The following VAV3 variants were observed in gnomAD, a reference collection of about 807,000 sequenced individuals.
VAV3 encodes the protein vav guanine nucleotide exchange factor 3.
VAV3 carries 94 observed loss-of-function variants against 131.2 expected under a neutral mutation model. That is an observed-to-expected ratio of 0.72 (90% CI 0.61 to 0.85). The LOEUF is 0.85. VAV3 is among the 40% of genes least tolerant of loss of function. The probability of loss-of-function intolerance (pLI) is 0.00; values close to 1 mark genes in which losing one functional copy is unlikely to be tolerated. For synonymous variants in VAV3, 349 were observed against 342.0 expected, an observed-to-expected ratio of 1.02 and a Z score of -0.22; for missense variants, 939 against 1,002.7, an observed-to-expected ratio of 0.94 and a Z score of 0.86.
At position 107,749,613 on chromosome 1, in the gene VAV3, T is replaced by C. The variant is rs781209228; in HGVS notation, c.1260-19A>G. 3 of 1,606,234 alleles carry C rather than the reference T, an allele frequency of 1.9e-6. No homozygotes were observed. The highest frequency in any genetic ancestry group is 2.2e-5 in the East Asian group (1 of 44,690). ...GATATGCCTGGGAAAAAGAGATTGA[T>C]TGATTGATTTTAAATGGTTTAGAAA... On this transcript the variant is annotated intron_variant, in intron 13 of 26. Transcript: ENST00000370056.
intron 12 of VAV3, among the ~76,000 whole-genome samples, chr1:107,753,513 C>CACACATATATATACACAA (rs760604932): frequency 1.2e-5 from 1 of 80,626 alleles, no homozygotes. Context: ...TATATACACA[C>CACACATATATATACACAA]ATATATATAT....
chr1:107,624,179 G>A (rs1005065297), intron 20 of VAV3, among the ~76,000 whole-genome samples: 1 of 152,124 alleles, frequency 6.6e-6, no homozygotes, highest in Non-Finnish European at 1.5e-5. Flanking sequence ...ATAAGCTGTA[G>A]ATTTGAGATG....
chr1:107,861,707 A>G (rs1669745119), intron 2 of VAV3, among the ~76,000 whole-genome samples: 1 of 151,558 alleles, frequency 6.6e-6, no homozygotes, highest in Non-Finnish European at 1.5e-5. Context: ...GATGAATTAT[A>G]AATATGCAGC....
chr1:107,664,222 G>A (rs1408620109), intron 19 of VAV3, among the ~76,000 whole-genome samples: 3 of 151,868 alleles, frequency 2.0e-5, no homozygotes, highest in East Asian at 1.9e-4. Context: ...CAGAGTAAAC[G>A]TGCAAGATGT....
At position 107,642,750 on chromosome 1, in the gene VAV3, G is replaced by A. The variant is rs1386203017; in HGVS notation, c.1783C>T (p.Pro595Ser). Residue 595 changes from proline (P) to serine (S), a missense_variant, in exon 20 of 27, where the codon CCA (proline) becomes TCA (serine). By Grantham distance (74) the Pro-to-Ser change is moderately conservative. Transcript: ENST00000370056. Reference sequence around the variant, plus strand: ...TAGTTCCTAATGACCTGCATCTTTGGTAAACCTGAAAATAAGCCAAACAAG... The same window carrying A: ...TAGTTCCTAATGACCTGCATCTTTGATAAACCTGAAAATAAGCCAAACAAG... Reference protein sequence around the residue: ...RTPKQVDPGLPKMQVIRNYSG... With the variant: ...RTPKQVDPGLSKMQVIRNYSG... 1.2e-6 allele frequency: 2 copies of A among 1,613,172 alleles called. No homozygotes were observed. The highest frequency in any genetic ancestry group is 2.2e-5 in the South Asian group (2 of 91,054).
chr1:107,779,727 C>A (rs746893306), intron 2 of VAV3, among the ~76,000 whole-genome samples: 7 of 151,560 alleles, frequency 4.6e-5, no homozygotes, highest in Non-Finnish European at 8.8e-5. Context: ...GATTACTAAC[C>A]CATTTGAGTT....
At chr1:107,574,002 T>TC (rs1649438274) in intron 26 of VAV3, 45 bp downstream of exon 26, 1 of 1,603,812 alleles carries the variant, frequency 6.2e-7, no homozygotes, top group East Asian at 2.2e-5. Context: ...AACTGCTCAG[T>TC]CCCCTTCTTT....
chr1:107,719,240 C>CA (rs905625700), intron 15 of VAV3, among the ~76,000 whole-genome samples: 2 of 152,066 alleles, frequency 1.3e-5, no homozygotes, highest in Non-Finnish European at 2.9e-5. Context: ...TTCTGCACGG[C>CA]AAAAGAAACT....
chr1:107,804,517 G>A (rs558834283), intron 2 of VAV3, among the ~76,000 whole-genome samples: 41 of 152,212 alleles, frequency 2.7e-4, no homozygotes, highest in African/African-American at 9.6e-4. Flanking sequence ...AAAGAAACAA[G>A]AGAGAACTTT....
At chr1:107,937,051 C>T (rs560434223) in intron 1 of VAV3, among the ~76,000 whole-genome samples, 1 of 152,172 alleles carries the variant, frequency 6.6e-6, no homozygotes, top group South Asian at 2.1e-4. Context: ...GCAAAGGATG[C>T]CTAGCAAGAG....
At chr1:107,627,375 T>C (rs373217624) in intron 20 of VAV3, among the ~76,000 whole-genome samples, 1 of 152,300 alleles carries the variant, frequency 6.6e-6, no homozygotes. Context: ...TGTCTAATTA[T>C]GAAGTAAAAG....
intron 22 of VAV3, among the ~76,000 whole-genome samples, chr1:107,608,234 G>A (rs933098494): frequency 3.3e-5 from 5 of 152,030 alleles, no homozygotes; most frequent in African/African-American, 9.7e-5. Context: ...ACCTACCTTC[G>A]GGTGCCCTGA....
intron 2 of VAV3, among the ~76,000 whole-genome samples, chr1:107,850,668 T>G (rs1055349681): frequency 6.6e-6 from 1 of 152,008 alleles, no homozygotes; most frequent in Non-Finnish European, 1.5e-5. Flanking sequence ...CATGTATACC[T>G]ATGTAACAAA....
At chr1:107,898,856 A>C (rs1054575266) in intron 1 of VAV3, among the ~76,000 whole-genome samples, 1 of 152,218 alleles carries the variant, frequency 6.6e-6, no homozygotes, top group African/African-American at 2.4e-5. Flanking sequence ...TTTAAAAACA[A>C]AGTATTTTAA....
intron 12 of VAV3, among the ~76,000 whole-genome samples, chr1:107,751,552 G>A (rs1003666810): frequency 3.5e-4 from 53 of 152,234 alleles, no homozygotes; most frequent in Non-Finnish European, 5.9e-4. Flanking sequence ...CACCATAACA[G>A]GTGTACGGCA....
chr1:107,672,354 T>C (rs1234916931), intron 19 of VAV3: 1 of 151,828 alleles, frequency 6.6e-6, no homozygotes, highest in African/African-American at 2.4e-5. Context: ...AATGTACATT[T>C]GGAATTAGTC....
At chr1:107,637,753 T>C (rs1008669807) in intron 20 of VAV3, among the ~76,000 whole-genome samples, 4 of 152,202 alleles carry the variant, frequency 2.6e-5, no homozygotes, top group African/African-American at 9.6e-5. Flanking sequence ...TATAAATCTC[T>C]TTTAGAAAGT....
At chr1:107,837,463 A>G (rs1668525496) in intron 2 of VAV3, among the ~76,000 whole-genome samples, 1 of 152,202 alleles carries the variant, frequency 6.6e-6, no homozygotes, top group Admixed American at 6.5e-5. Flanking sequence ...CATACTGTCC[A>G]AAGCAATTTA....
chr1:107,616,115 A>G (rs1653135448), intron 21 of VAV3, among the ~76,000 whole-genome samples: 1 of 152,220 alleles, frequency 6.6e-6, no homozygotes, highest in Non-Finnish European at 1.5e-5. Context: ...TACCCAAAGA[A>G]ATATAAATTG....
Sources: allele counts gnomAD v4.1 joint callset (sites outside exome capture counted in the v4.1 genomes callset), GRCh38; gene constraint gnomAD v4.1.1; transcripts MANE v1.5; gene names NCBI Gene and HGNC (gene_info 2026-07-23, HGNC 2026-07-21).